DRC10: variants seen among roughly 807,000 people sequenced by gnomAD.
DRC10 encodes the protein IQ domain-containing protein D.
chr12:113,210,292 T>G, the DRC10 span, among the ~76,000 whole-genome samples: 1 of 152,178 alleles, frequency 6.6e-6, no homozygotes. Context: ...TCTGGGCTGG[T>G]CATTTAATCC....
chr12:113,195,603 C>T, the DRC10 span: 1 of 1,605,454 alleles, frequency 6.2e-7, no homozygotes, highest in South Asian at 1.1e-5. Context: ...CTTCTCCTTG[C>T]CTTTCTGCTT....
the DRC10 span, among the ~76,000 whole-genome samples, chr12:113,211,834 G>A: frequency 6.6e-6 from 1 of 152,038 alleles, no homozygotes; most frequent in Non-Finnish European, 1.5e-5. Flanking sequence ...GGGAGGCCAA[G>A]GAGGGAAGAT....
chr12:113,216,455 A>G, the DRC10 span, among the ~76,000 whole-genome samples: 2 of 152,212 alleles, frequency 1.3e-5, no homozygotes, highest in Non-Finnish European at 2.9e-5. Context: ...GATGGATACC[A>G]TCATTATACA....
At chr12:113,199,987 G>A in the DRC10 span, 1 of 220,622 alleles carries the variant, frequency 4.5e-6, no homozygotes, top group Non-Finnish European at 9.2e-6. Flanking sequence ...CTGGGTTCAA[G>A]CGATCCTCCC....
chr12:113,200,302 G>A, the DRC10 span: 1 of 600,184 alleles, frequency 1.7e-6, no homozygotes, highest in African/African-American at 1.8e-5. Flanking sequence ...ACTTGCCCAA[G>A]GTCACAAAGC....
At chr12:113,220,365 C>T in the DRC10 span, among the ~76,000 whole-genome samples, 1 of 152,184 alleles carries the variant, frequency 6.6e-6, no homozygotes, top group Non-Finnish European at 1.5e-5. Flanking sequence ...AAGTGATTCT[C>T]GTGCCTTAGC....
At chr12:113,200,926 G>T in the DRC10 span, 1 of 726,154 alleles carries the variant, frequency 1.4e-6, no homozygotes, top group Non-Finnish European at 2.2e-6. Context: ...GTCACCTGAG[G>T]TCAGGAGTTT....
chr12:113,200,699 C>G, the DRC10 span: 11 of 1,536,216 alleles, frequency 7.2e-6, no homozygotes, highest in Non-Finnish European at 9.6e-6. Flanking sequence ...CGGAAATCGG[C>G]CTTCTGCTGC....
chr12:113,210,118 A>G, the DRC10 span, among the ~76,000 whole-genome samples: 4 of 152,272 alleles, frequency 2.6e-5, no homozygotes, highest in Admixed American at 6.5e-5. Context: ...CCTGGGCAAC[A>G]GAATGAGACT....
At chr12:113,203,085 G>A in the DRC10 span, 1 of 450,772 alleles carries the variant, frequency 2.2e-6, no homozygotes, top group South Asian at 1.6e-5. Context: ...GAGTACAGTG[G>A]TGCGATCTCA....
the DRC10 span, among the ~76,000 whole-genome samples, chr12:113,217,916 C>T: frequency 5.3e-5 from 8 of 152,320 alleles, no homozygotes; most frequent in Non-Finnish European, 7.3e-5. Context: ...TTTTGCTTAG[C>T]ACAGTGGTTT....
At chr12:113,219,961 C>A in the DRC10 span, among the ~76,000 whole-genome samples, 1 of 152,180 alleles carries the variant, frequency 6.6e-6, no homozygotes, top group Non-Finnish European at 1.5e-5. Flanking sequence ...GCACACGCCA[C>A]CAGGCCCGGC....
the DRC10 span, among the ~76,000 whole-genome samples, chr12:113,199,579 A>C: frequency 6.6e-6 from 1 of 152,168 alleles, no homozygotes; most frequent in African/African-American, 2.4e-5. Context: ...CTTCCATCAG[A>C]TGCTCAAGAG....
At chr12:113,206,766 A>T in the DRC10 span, among the ~76,000 whole-genome samples, 1 of 151,742 alleles carries the variant, frequency 6.6e-6, no homozygotes, top group East Asian at 1.9e-4. Flanking sequence ...AAAAAAAAAA[A>T]ATCACTGGGG....
At chr12:113,200,290 G>A in the DRC10 span, 3 of 574,712 alleles carry the variant, frequency 5.2e-6, no homozygotes, top group South Asian at 1.7e-5. Context: ...AGGAGTTGAG[G>A]AACTTGCCCA....
chr12:113,196,357 C>G, the DRC10 span, among the ~76,000 whole-genome samples: 2 of 152,050 alleles, frequency 1.3e-5, no homozygotes, highest in African/African-American at 4.8e-5. Context: ...CCACAAGACA[C>G]CAGAGGAGAA....
the DRC10 span, among the ~76,000 whole-genome samples, chr12:113,199,345 A>G: frequency 2.0e-5 from 3 of 152,286 alleles, no homozygotes; most frequent in African/African-American, 7.2e-5. Context: ...GAAGTGAGCT[A>G]TGATCACGCC....
the DRC10 span, among the ~76,000 whole-genome samples, chr12:113,216,678 C>T: frequency 6.6e-6 from 1 of 152,144 alleles, no homozygotes; most frequent in Non-Finnish European, 1.5e-5. Context: ...CTCAATTTTG[C>T]TGTGAATCTA....
the DRC10 span, chr12:113,207,627 G>A: frequency 6.2e-7 from 1 of 1,614,052 alleles, no homozygotes; most frequent in Non-Finnish European, 8.5e-7. Context: ...TAAAATTCTG[G>A]GCTTCTGCAC....
Sources: allele counts gnomAD v4.1 joint callset (sites outside exome capture counted in the v4.1 genomes callset), GRCh38; gene constraint gnomAD v4.1.1; transcripts MANE v1.5; gene names NCBI Gene and HGNC (gene_info 2026-07-23, HGNC 2026-07-21).